Variants in TNFSF4 observed in about 807,000 individuals in gnomAD.
TNFSF4 encodes TNF superfamily member 4.
TNFSF4 carries 4 observed loss-of-function variants against 7.3 expected under a neutral mutation model. That is an observed-to-expected ratio of 0.55 (90% CI 0.27 to 1.25). The LOEUF (loss-of-function observed/expected upper bound fraction) is 1.25. TNFSF4 is among the 50% of genes most tolerant of loss of function. The pLI, the probability that TNFSF4 is intolerant of heterozygous loss-of-function variation, is 0.12. For synonymous variants in TNFSF4, 76 were observed against 83.7 expected (o/e 0.91, Z 0.50); for missense variants, 181 against 208.8 (o/e 0.87, Z 0.82).
the TNFSF4 span, among the ~76,000 whole-genome samples, chr1:173,259,087 C>A: frequency 6.6e-6 from 1 of 152,098 alleles, no homozygotes; most frequent in Non-Finnish European, 1.5e-5. Context: ...TATACAGGAG[C>A]ATTCCCACTG....
chr1:173,362,464 T>C, the TNFSF4 span: 1 of 523,586 alleles, frequency 1.9e-6, no homozygotes, highest in African/African-American at 2.0e-5. Flanking sequence ...CTTCTTCTGC[T>C]TCTCTACCTT....
the TNFSF4 span, among the ~76,000 whole-genome samples, chr1:173,397,382 C>G: frequency 6.6e-6 from 1 of 152,216 alleles, no homozygotes; most frequent in Admixed American, 6.5e-5. Flanking sequence ...TTTACCAAAG[C>G]AACTGTACAT....
chr1:173,332,715 C>T, the TNFSF4 span, among the ~76,000 whole-genome samples: 12 of 150,346 alleles, frequency 8.0e-5, no homozygotes, highest in East Asian at 2.0e-4. Flanking sequence ...ATTAACCATG[C>T]GTGGTGGCAC....
At chr1:173,202,185 A>G (rs1421154718) in intron 1 of TNFSF4, among the ~76,000 whole-genome samples, 1 of 152,102 alleles carries the variant, frequency 6.6e-6, no homozygotes, top group Non-Finnish European at 1.5e-5. Flanking sequence ...CTGAGGTCAG[A>G]GAAGAGGAAC....
the TNFSF4 span, among the ~76,000 whole-genome samples, chr1:173,407,417 G>A: frequency 3.3e-5 from 5 of 151,766 alleles, no homozygotes; most frequent in African/African-American, 7.3e-5. Flanking sequence ...AAAATTTGTC[G>A]GGTGTGGTCG....
At chr1:173,416,325 G>A in the TNFSF4 span, among the ~76,000 whole-genome samples, 1 of 152,202 alleles carries the variant, frequency 6.6e-6, no homozygotes, top group Admixed American at 6.5e-5. Flanking sequence ...GGCCTGAGTA[G>A]GCAGCAGCGT....
At chr1:173,412,479 G>C in the TNFSF4 span, among the ~76,000 whole-genome samples, 1 of 152,298 alleles carries the variant, frequency 6.6e-6, no homozygotes, top group East Asian at 1.9e-4. Flanking sequence ...CAAATTAAAA[G>C]CATTAACCAT....
chr1:173,273,778 T>A, the TNFSF4 span, among the ~76,000 whole-genome samples: 1 of 152,080 alleles, frequency 6.6e-6, no homozygotes, highest in Non-Finnish European at 1.5e-5. Flanking sequence ...TTCAAAGTAA[T>A]ATTAGCATTT....
At chr1:173,362,613 T>A in the TNFSF4 span, 1 of 496,548 alleles carries the variant, frequency 2.0e-6, no homozygotes, top group Middle Eastern at 4.6e-4. Flanking sequence ...GGGTAAGTTT[T>A]GCATGCTGCT....
chr1:173,434,394 C>G, the TNFSF4 span, among the ~76,000 whole-genome samples: 1 of 152,172 alleles, frequency 6.6e-6, no homozygotes, highest in Non-Finnish European at 1.5e-5. Flanking sequence ...ACTTAGGAGA[C>G]CTGGCAGAAA....
chr1:173,276,630 T>C, the TNFSF4 span, among the ~76,000 whole-genome samples: 1 of 152,164 alleles, frequency 6.6e-6, no homozygotes, highest in East Asian at 1.9e-4. Context: ...CCATGATTAA[T>C]TTACGAGCTC....
the TNFSF4 span, among the ~76,000 whole-genome samples, chr1:173,368,571 GCT>G: frequency 6.6e-6 from 1 of 152,180 alleles, no homozygotes; most frequent in Non-Finnish European, 1.5e-5. Context: ...CTGGGAAAGG[GCT>G]CTCTAACCAT....
At chr1:173,410,434 A>G in the TNFSF4 span, among the ~76,000 whole-genome samples, 1 of 152,184 alleles carries the variant, frequency 6.6e-6, no homozygotes, top group African/African-American at 2.4e-5. Flanking sequence ...AAATAGATAC[A>G]TATATACATT....
At chr1:173,359,510 T>TAAAAAAAAAAAAAAA in the TNFSF4 span, among the ~76,000 whole-genome samples, 4 of 122,748 alleles carry the variant, frequency 3.3e-5, no homozygotes, top group African/African-American at 6.4e-5. Flanking sequence ...TTACCAGCTG[T>TAAAAAAAAAAAAAAA]AAAAAAAAAA....
chr1:173,401,356 A>G, the TNFSF4 span, among the ~76,000 whole-genome samples: 33 of 152,328 alleles, frequency 2.2e-4, no homozygotes, highest in African/African-American at 7.7e-4. Flanking sequence ...TTTATGTGTC[A>G]ACTTGGCTGG....
At chr1:173,202,394 A>T (rs1033135116) in intron 1 of TNFSF4, among the ~76,000 whole-genome samples, 1 of 152,158 alleles carries the variant, frequency 6.6e-6, no homozygotes, top group Admixed American at 6.5e-5. Flanking sequence ...AAATATCATC[A>T]CTCTGCAAAT....
At chr1:173,254,697 G>A in the TNFSF4 span, among the ~76,000 whole-genome samples, 1 of 152,182 alleles carries the variant, frequency 6.6e-6, no homozygotes, top group Non-Finnish European at 1.5e-5. Context: ...GGTGATGGGG[G>A]TAAACCTAGA....
the TNFSF4 span, among the ~76,000 whole-genome samples, chr1:173,272,542 A>G: frequency 6.6e-6 from 1 of 152,080 alleles, no homozygotes; most frequent in Non-Finnish European, 1.5e-5. Context: ...TCCTTGTTTG[A>G]TGAGAGGAAG....
chr1:173,275,710 A>T, the TNFSF4 span, among the ~76,000 whole-genome samples: 1 of 152,080 alleles, frequency 6.6e-6, no homozygotes, highest in African/African-American at 2.4e-5. Context: ...CCCCTGGGGG[A>T]AAAAAAGTTG....
Sources: allele counts gnomAD v4.1 joint callset (sites outside exome capture counted in the v4.1 genomes callset), GRCh38; gene constraint gnomAD v4.1.1; transcripts MANE v1.5; gene names NCBI Gene and HGNC (gene_info 2026-07-23, HGNC 2026-07-21).